The following CNTROB variants were observed in gnomAD, a reference collection of about 807,000 sequenced individuals.
CNTROB encodes centrobin, centriole duplication and spindle assembly protein, also known as centrobin.
In CNTROB, 82 loss-of-function variants were observed where a neutral mutation model predicts 115.7. The observed-to-expected ratio is 0.71, with a 90% CI of 0.59 to 0.85. CNTROB has a LOEUF of 0.85. CNTROB is among the 40% of genes least tolerant of loss of function. CNTROB has a pLI of 0.00. For synonymous variants in CNTROB, 439 were observed against 456.4 expected, an observed-to-expected ratio of 0.96 and a Z score of 0.49; for missense variants, 1,014 against 1,144.4, an observed-to-expected ratio of 0.89 and a Z score of 1.64.
Position 7,948,037 on chromosome 17 carries a change from T to A in CNTROB, c.2209+58T>A. The A allele has an allele frequency of 6.3e-7, 1 of 1,598,328 alleles. No individual in the cohort carries two copies. The highest frequency in any genetic ancestry group is 8.6e-7 in the Non-Finnish European group (1 of 1,166,056). On this transcript the variant is annotated intron_variant, in intron 15 of 18. Coordinates refer to ENST00000563694, the MANE Select transcript of CNTROB (RefSeq NM_053051.5). This position sits in a 1 kb window ranked among gnomAD's most constrained non-coding sequence, Gnocchi z 4.4. The stretch of plus-strand genomic sequence containing the variant: ...GGGCCTAGGAAAGATCGGAGTTGGT[T>A]ATCTAGGATGAATTTTTAGGAGCTG...
chr17:7,945,702 C>T, intron 12 of CNTROB, 26 bp from the exon 13 acceptor site: 1 of 1,607,562 alleles, frequency 6.2e-7, no homozygotes, highest in Non-Finnish European at 8.5e-7. Context: ...TGCTTTGACC[C>T]TTCTTTCTGC....
In CNTROB at chr17:7,939,607, A is replaced by C. The variant is rs781076257; in HGVS notation, c.1022A>C (p.Gln341Pro). ...GAGCGGGATGCAGCTCGGGCTGGGCAACTGAGTGAGCATCGAGAGTTGGAG... is the reference window on the plus strand; with the variant it reads ...GAGCGGGATGCAGCTCGGGCTGGGCCACTGAGTGAGCATCGAGAGTTGGAG... ...QEERDAARAGQLSEHRELETL... is the reference protein window; with the variant it reads ...QEERDAARAGPLSEHRELETL... The change falls in exon 8 of 19, where the codon CAA (glutamine) becomes CCA (proline). Residue 341 changes from glutamine to proline, a missense_variant. Physicochemically the swap from Gln to Pro is moderately conservative, Grantham distance 76. Transcript: ENST00000563694. The surrounding 1 kb of genome is among the most constrained non-coding windows in gnomAD (Gnocchi z 4.4). 4 of 1,613,918 alleles carry C rather than the reference A, an allele frequency of 2.5e-6. No homozygotes were observed. The Admixed American group carries it at 5.0e-5, about 20-fold the overall frequency.
Position 7,939,623 on chromosome 17 carries a change from A to C in CNTROB, c.1038A>C (p.Arg346=). 2 of 1,613,934 alleles carry C rather than the reference A, an allele frequency of 1.2e-6. No homozygotes were observed. The highest frequency in any genetic ancestry group is 1.7e-6 in the Non-Finnish European group (2 of 1,179,976). ...AARAGQLSEH[R]ELETLRAALE... is the part of the protein sequence containing the mutation. The stretch of plus-strand genomic sequence containing the variant: ...GGGCTGGGCAACTGAGTGAGCATCG[A>C]GAGTTGGAGACTCTTCGGGCTGCCC... The change falls in exon 8 of 19, where the codon CGA becomes CGC. Residue 346 remains arginine (R), a synonymous_variant. Coordinates refer to ENST00000563694, the MANE Select transcript of CNTROB (RefSeq NM_053051.5). This position sits in a 1 kb window ranked among gnomAD's most constrained non-coding sequence, Gnocchi z 4.4.
In CNTROB at chr17:7,937,223, G is replaced by A. The variant is rs748990003; in HGVS notation, c.888G>A (p.Gln296=). ...CCATGGAGGCCCTGAATCGTGAGCA[G>A]GAAAGTGCCAGACTGCAGCAACGGG... ...SEAMEALNRE[Q]ESARLQQRER... The change falls in exon 7 of 19, where the codon CAG becomes CAA. Residue 296 remains glutamine, a synonymous_variant. Coordinates refer to ENST00000563694, the MANE Select transcript of CNTROB (RefSeq NM_053051.5). The A allele has an allele frequency of 4.3e-6, 7 of 1,614,044 alleles. No individual in the cohort carries two copies. The highest frequency in any genetic ancestry group is 2.7e-5 in the African/African-American group (2 of 74,918).
chr17:7,948,993 A>C lies in CNTROB; in HGVS notation c.2514-92A>C. 1 of 1,606,754 alleles carries C rather than the reference A, an allele frequency of 6.2e-7. No individual in the cohort carries two copies. The highest frequency in any genetic ancestry group is 1.7e-5 in the Admixed American group (1 of 59,796). The stretch of plus-strand genomic sequence containing the variant: ...TCTATCGAGTTTGATCTTATTCTTA[A>C]GAGATAGAATTGGGGAGTAGTTCTT... On this transcript the variant is annotated intron_variant, in intron 17 of 18. Transcript: ENST00000563694. This position sits in a 1 kb window ranked among gnomAD's most constrained non-coding sequence, Gnocchi z 4.4.
Position 7,949,204 on chromosome 17 carries a change from G to T in CNTROB, c.2586+47G>T. On this transcript the variant is annotated intron_variant, in intron 18 of 18. Coordinates refer to ENST00000563694, the MANE Select transcript of CNTROB (RefSeq NM_053051.5). ...ACCAGGGGAGAAAAGGGCTCTCACT[G>T]ACCAGCTCCTTCACCTCTGCACACT... 3.1e-6 allele frequency: 5 copies of T among 1,591,768 alleles called. No individual in the cohort carries two copies. In the South Asian group the frequency reaches 5.5e-5, roughly 18 times the overall value.
chr17:7,944,323 A>G lies in CNTROB; in HGVS notation c.1571+75A>G, dbSNP rs2151767818. The G allele has an allele frequency of 6.4e-7, 1 of 1,564,272 alleles. No individual in the cohort carries two copies. The highest frequency in any genetic ancestry group is 1.1e-5 in the South Asian group (1 of 89,920). The stretch of plus-strand genomic sequence containing the variant: ...GTAGAGCCCAAACTGGGAACGGTGA[A>G]GAGCTGCTCCCTTGATTGATCTGTC... On this transcript the variant is annotated intron_variant, in intron 11 of 18. Transcript: ENST00000563694. The surrounding 1 kb of genome is among the most constrained non-coding windows in gnomAD (Gnocchi z 4.0).
rs1974324433 is a variant in CNTROB, at chr17:7,944,743, T to C, written c.1734+105T>C. On this transcript the variant is annotated intron_variant, in intron 12 of 18. Transcript: ENST00000563694. This position sits in a 1 kb window ranked among gnomAD's most constrained non-coding sequence, Gnocchi z 4.0. Reference sequence around the variant, plus strand: ...CCCAGGCTGGAGTGTACTGGTGAGATCATAGCTCATTGCAGCCTCGAACTC... The same window carrying C: ...CCCAGGCTGGAGTGTACTGGTGAGACCATAGCTCATTGCAGCCTCGAACTC... 5 of 1,330,746 alleles carry C rather than the reference T, an allele frequency of 3.8e-6. No homozygotes were observed. The highest frequency in any genetic ancestry group is 1.5e-5 in the African/African-American group (1 of 68,008). 82.4% of individuals were successfully genotyped at this position (1,330,746 alleles called of 1,614,324 possible).
Position 7,940,169 on chromosome 17 carries a change from G to A in CNTROB, c.1238G>A (p.Arg413Gln), listed in dbSNP as rs902078289. ...HQLALVQSEV[R>Q]RLEGELDTAR... is the part of the protein sequence containing the mutation. ...TTGGCATTGGTGCAGTCTGAGGTGC[G>A]GCGGCTGGAAGGAGAGCTGGATACA... Residue 413 changes from arginine to glutamine, a missense_variant, in exon 9 of 19, where the codon CGG becomes CAG. By Grantham distance (43) the Arg-to-Gln change is conservative. Coordinates refer to ENST00000563694, the MANE Select transcript of CNTROB (RefSeq NM_053051.5). The A allele has an allele frequency of 6.2e-6, 10 of 1,612,880 alleles. No homozygotes were observed. The highest frequency in any genetic ancestry group is 1.3e-5 in the African/African-American group (1 of 74,886).
Position 7,933,197 on chromosome 17 carries a change from GCTT to G in CNTROB, c.122_124del (p.Ser41del), listed in dbSNP as rs1268627953. 1.9e-6 allele frequency: 3 copies of G among 1,614,218 alleles called. No individual in the cohort carries two copies. The highest frequency in any genetic ancestry group is 1.1e-5 in the South Asian group (1 of 91,086). On this transcript the variant is annotated inframe_deletion, in exon 1 of 19. Coordinates refer to ENST00000563694, the MANE Select transcript of CNTROB (RefSeq NM_053051.5). Reference sequence around the variant, plus strand: ...GTCTGAAGTGACCTCCCAGCTCTATGCTTCTTTGCGCCTCAGCCGGCAGGCGGA... The same window carrying G: ...GTCTGAAGTGACCTCCCAGCTCTATGCTTTGCGCCTCAGCCGGCAGGCGGA...
At chr17:7,937,948 G>A (rs577374569) in intron 7 of CNTROB, among the ~76,000 whole-genome samples, 6 of 150,920 alleles carry the variant, frequency 4.0e-5, no homozygotes, top group African/African-American at 1.5e-4. Flanking sequence ...GACCTCTGGT[G>A]TAGGGCATGG....
Position 7,936,827 on chromosome 17 carries a change from C to A in CNTROB, c.828+10C>A, listed in dbSNP as rs375264706. ...AAGCAAGCAGCAGGAGGTGAGCGCCCTGGAGCATATGGCATTAGAACCTGA... is the reference window on the plus strand; with the variant it reads ...AAGCAAGCAGCAGGAGGTGAGCGCCATGGAGCATATGGCATTAGAACCTGA... On this transcript the variant is annotated intron_variant, in intron 6 of 18. Coordinates refer to ENST00000563694, the MANE Select transcript of CNTROB (RefSeq NM_053051.5). 9.4e-6 allele frequency: 10 copies of A among 1,061,622 alleles called. No homozygotes were observed. The African/African-American group carries it at 1.6e-4, about 16-fold the overall frequency. The allele number at this position is 1,061,622 out of a possible 1,614,324, so 65.8% of individuals were successfully genotyped here. A position where few individuals can be genotyped will look rare whatever the true frequency, so the allele number is the denominator to read the frequency against.
At chr17:7,945,544 ATCTC>A (rs1430383221) in intron 12 of CNTROB, 180 bp from the exon 13 acceptor site, 3 of 599,370 alleles carry the variant, frequency 5.0e-6, no homozygotes, top group East Asian at 2.9e-5. Flanking sequence ...TAGAGATGGC[ATCTC>A]TCTATGTTGC....
chr17:7,942,257 ACT>A (rs1298789892), intron 9 of CNTROB, among the ~76,000 whole-genome samples: 2 of 151,720 alleles, frequency 1.3e-5, no homozygotes, highest in Non-Finnish European at 2.9e-5. Flanking sequence ...ACAGAACAAG[ACT>A]CTGTCTCAGA....
At chr17:7,940,957 G>A (rs1332919128) in intron 9 of CNTROB, among the ~76,000 whole-genome samples, 2 of 152,290 alleles carry the variant, frequency 1.3e-5, no homozygotes, top group South Asian at 2.1e-4. Flanking sequence ...TAAACTGTAC[G>A]TAAACAAATG....
intron 14 of CNTROB, 58 bp from the exon 15 acceptor site, chr17:7,947,858 C>A (rs1974736978): frequency 1.9e-6 from 3 of 1,607,904 alleles, no homozygotes; most frequent in Non-Finnish European, 2.6e-6. Context: ...TCTCTCAGAT[C>A]CCTGGGCGTT....
In CNTROB at chr17:7,943,445, G is replaced by T; in HGVS notation, c.1366G>T (p.Glu456Ter). ...QLESELAVQL[E>*]QRVTERLAQA... The stretch of plus-strand genomic sequence containing the variant: ...GGAGTCGGAGCTGGCTGTGCAGCTG[G>T]AGCAGCGGGTGACAGAGCGGCTGGC... Residue 456 changes from glutamate (E) to a stop codon, truncating the protein, a stop_gained, in exon 10 of 19, where the codon GAG becomes TAG. Coordinates refer to ENST00000563694, the MANE Select transcript of CNTROB (RefSeq NM_053051.5). LOFTEE classifies it high-confidence loss of function. The surrounding 1 kb of genome is among the most constrained non-coding windows in gnomAD (Gnocchi z 4.7). The T allele has an allele frequency of 6.2e-7, 1 of 1,613,994 alleles. No individual in the cohort carries two copies. Among genetic ancestry groups the T allele is most frequent in the Non-Finnish European group, 8.5e-7 (1 of 1,179,892 alleles).
Position 7,939,552 on chromosome 17 carries a change from G to C in CNTROB, c.967G>C (p.Glu323Gln). ...RQALTLRLEA[E>Q]QQRCCVLQEE... The stretch of plus-strand genomic sequence containing the variant: ...AGCTCTGACTCTGAGGTTGGAGGCA[G>C]AACAGCAGCGGTGCTGTGTCCTGCA... Residue 323 changes from glutamate (E) to glutamine (Q), a missense_variant, in exon 8 of 19, where the codon GAA (glutamate) becomes CAA (glutamine). Coordinates refer to ENST00000563694, the MANE Select transcript of CNTROB (RefSeq NM_053051.5). The surrounding 1 kb of genome is among the most constrained non-coding windows in gnomAD (Gnocchi z 4.4). 2 of 1,614,172 alleles carry C rather than the reference G, an allele frequency of 1.2e-6. No homozygotes were observed. Among genetic ancestry groups the C allele is most frequent in the South Asian group, 2.2e-5 (2 of 91,078 alleles).
At chr17:7,949,307 A>G (rs1467039458) in intron 18 of CNTROB, 78 bp from the exon 19 acceptor site, 1 of 1,599,830 alleles carries the variant, frequency 6.3e-7, no homozygotes, top group Non-Finnish European at 8.6e-7. Flanking sequence ...GGCCCTCTCC[A>G]CGTGCATTTC....
Sources: allele counts gnomAD v4.1 joint callset (sites outside exome capture counted in the v4.1 genomes callset), GRCh38; gene constraint gnomAD v4.1.1; non-coding constraint Gnocchi (gnomAD v3.1); transcripts MANE v1.5; gene names NCBI Gene and HGNC (gene_info 2026-07-23, HGNC 2026-07-21).